Variants in TMEM245 observed in about 807,000 individuals in gnomAD.
TMEM245 encodes protein CG-2.
Under a neutral mutation model 101.2 loss-of-function variants are expected in TMEM245, and 69 were observed. The ratio of observed to expected loss-of-function variants is 0.68; its 90% CI spans 0.56 to 0.83. The LOEUF is 0.83. Among genes scored for constraint, TMEM245 ranks in the 40% least tolerant of loss-of-function variants. The pLI is 0.00. For synonymous variants in TMEM245, 537 were observed against 449.8 expected (o/e 1.19, Z -2.45); for missense variants, 1,075 against 1,092.8 (o/e 0.98, Z 0.23).
At chr9:109,078,344 T>C (rs1829575984) in intron 8 of TMEM245, among the ~76,000 whole-genome samples, 1 of 152,218 alleles carries the variant, frequency 6.6e-6, no homozygotes, top group African/African-American at 2.4e-5. Context: ...ATTTTCCAAG[T>C]GCTTTCATCC....
rs1830063672 is a variant in TMEM245 at position 109,093,559 on chromosome 9, C to T, written c.832G>A (p.Ala278Thr). Residue 278 changes from alanine (A) to threonine (T), a missense_variant, in exon 4 of 18, where the codon GCA becomes ACA. By Grantham distance (58) the Ala-to-Thr change is moderately conservative. This residue lies in a region of TMEM245 where 808 missense variants were observed against 741.5 expected (regional missense o/e 1.09). Coordinates refer to ENST00000374586, the MANE Select transcript of TMEM245 (RefSeq NM_032012.4). ...GCCAAGTTTGCCAGAGTAGAAGCTG[C>T]CATGGAGATAACCTGCCCTGGTAAC... ...AELPGQVISM[A>T]ASTLANLAIS... 8.7e-6 allele frequency: 14 copies of T among 1,614,096 alleles called. No homozygotes were observed. The highest frequency in any genetic ancestry group is 1.2e-5 in the Non-Finnish European group (14 of 1,180,000).
chr9:109,085,060 C>G (rs1422400900), intron 7 of TMEM245, among the ~76,000 whole-genome samples: 3 of 152,148 alleles, frequency 2.0e-5, no homozygotes, highest in African/African-American at 7.2e-5. Flanking sequence ...TTAAACACAA[C>G]ATATATAAAT....
At position 109,119,663 on chromosome 9, in the gene TMEM245, A is replaced by G. The variant is rs1168266612; in HGVS notation, c.251T>C (p.Leu84Pro). 1.3e-6 allele frequency: 2 copies of G among 1,556,446 alleles called. No homozygotes were observed. Among genetic ancestry groups the G allele is most frequent in the Non-Finnish European group, 1.7e-6 (2 of 1,152,836 alleles). Residue 84 changes from leucine to proline, a missense_variant, in exon 1 of 18, where the codon CTG becomes CCG. By Grantham distance (98) the Leu-to-Pro change is moderately conservative (BLOSUM62 -3). Coordinates refer to ENST00000374586, the MANE Select transcript of TMEM245 (RefSeq NM_032012.4). ...YFILEAFLRP[L>P]LWAVLCGTFL... ...AGTGCCGCATAGCACGGCCCAGAGCAGCGGCCGCAGGAAGGCCTCCAGGAT... is the reference window on the plus strand; with the variant it reads ...AGTGCCGCATAGCACGGCCCAGAGCGGCGGCCGCAGGAAGGCCTCCAGGAT...
At chr9:109,058,978 C>T (rs1329051988) in intron 11 of TMEM245, among the ~76,000 whole-genome samples, 1 of 152,096 alleles carries the variant, frequency 6.6e-6, no homozygotes, top group Non-Finnish European at 1.5e-5. Flanking sequence ...GTCTTAGGAC[C>T]GATCACCCAT....
intron 12 of TMEM245, among the ~76,000 whole-genome samples, chr9:109,053,757 T>C (rs1168150862): frequency 6.6e-6 from 1 of 152,184 alleles, no homozygotes; most frequent in Non-Finnish European, 1.5e-5. Flanking sequence ...CCACCTTCTA[T>C]GGAGCCGGTG....
chr9:109,065,000 G>A (rs1829125986), intron 9 of TMEM245, among the ~76,000 whole-genome samples: 1 of 152,120 alleles, frequency 6.6e-6, no homozygotes, highest in Admixed American at 6.6e-5. Flanking sequence ...TAGTCAGACT[G>A]GTCTCAAACT....
In TMEM245 at chr9:109,091,014, T is replaced by A; in HGVS notation, c.1058A>T (p.Asp353Val). ...GTFLRKKKTS[D>V]IYFVSLVWAI... ...CCAAACTAGAGACACAAAGTAGATG[T>A]CACTAGTTTTCTTCTTTCTAAGAAA... is the stretch of plus-strand genomic sequence containing the variant. The change falls in exon 5 of 18, where the codon GAC becomes GTC. Residue 353 changes from aspartate to valine, a missense_variant. By Grantham distance (152) the Asp-to-Val change is radical (BLOSUM62 -3). Coordinates refer to ENST00000374586, the MANE Select transcript of TMEM245 (RefSeq NM_032012.4). 1 of 1,614,156 alleles carries A rather than the reference T, an allele frequency of 6.2e-7. No homozygotes were observed. The highest frequency in any genetic ancestry group is 8.5e-7 in the Non-Finnish European group (1 of 1,180,032).
chr9:109,040,617 A>G (rs1828273440), intron 14 of TMEM245, among the ~76,000 whole-genome samples: 1 of 152,236 alleles, frequency 6.6e-6, no homozygotes, highest in South Asian at 2.1e-4. Context: ...AATTGTGGCA[A>G]AATATCCATG....
chr9:109,053,897 G>C (rs1828758687), intron 12 of TMEM245, among the ~76,000 whole-genome samples: 1 of 152,202 alleles, frequency 6.6e-6, no homozygotes, highest in Non-Finnish European at 1.5e-5. Context: ...TCAGAGACTT[G>C]GGAGGGAGCC....
chr9:109,086,520 T>TCA (rs1389305867), intron 6 of TMEM245, among the ~76,000 whole-genome samples: 1 of 152,196 alleles, frequency 6.6e-6, no homozygotes, highest in Non-Finnish European at 1.5e-5. Flanking sequence ...TACATAGAGC[T>TCA]CACTGTGTAC....
At chr9:109,095,935 T>C (rs1830128232) in intron 3 of TMEM245, among the ~76,000 whole-genome samples, 1 of 152,160 alleles carries the variant, frequency 6.6e-6, no homozygotes, top group Non-Finnish European at 1.5e-5. Context: ...AGAAAAGTTG[T>C]TGCAGTACTA....
At chr9:109,090,802 A>G (rs1025534399) in intron 5 of TMEM245, 120 bp downstream of exon 5, 1 of 840,426 alleles carries the variant, frequency 1.2e-6, no homozygotes, top group East Asian at 2.7e-5. Context: ...AAATGCAAAC[A>G]TAAGATTGTT....
chr9:109,092,622 T>C (rs922131061), intron 4 of TMEM245, among the ~76,000 whole-genome samples: 4 of 152,244 alleles, frequency 2.6e-5, no homozygotes, highest in Admixed American at 2.0e-4. Flanking sequence ...AAATAAGTGT[T>C]CCTACTACAC....
chr9:109,106,624 G>C lies in TMEM245; in HGVS notation c.698-15C>G. 6.4e-7 allele frequency: 1 copy of C among 1,573,508 alleles called. No individual in the cohort carries two copies. Among genetic ancestry groups the C allele is most frequent in the South Asian group, 1.2e-5 (1 of 86,296 alleles). On this transcript the variant is annotated splice_polypyrimidine_tract_variant and intron_variant, in intron 2 of 17. Coordinates refer to ENST00000374586, the MANE Select transcript of TMEM245 (RefSeq NM_032012.4). ...AGCCAGGGATGCTGCAAATTATTAA[G>C]AATTAACATTTTTAGTGAAATAAAA...
chr9:109,075,220 A>G (rs1829461919), intron 8 of TMEM245, among the ~76,000 whole-genome samples: 1 of 152,188 alleles, frequency 6.6e-6, no homozygotes, highest in African/African-American at 2.4e-5. Context: ...TTCCCGAAAT[A>G]AACCTCACAT....
chr9:109,078,807 T>A (rs1390634839), intron 8 of TMEM245, among the ~76,000 whole-genome samples: 1 of 152,224 alleles, frequency 6.6e-6, no homozygotes, highest in African/African-American at 2.4e-5. Context: ...GGGAAAGTTT[T>A]TAGCAGTTAT....
At chr9:109,085,481 T>C (rs1408629207) in intron 7 of TMEM245, among the ~76,000 whole-genome samples, 3 of 152,306 alleles carry the variant, frequency 2.0e-5, no homozygotes, top group Admixed American at 1.3e-4. Context: ...ATGACTACTA[T>C]CTGTTTTAAG....
Position 109,091,134 on chromosome 9 carries a change from G to A in TMEM245, c.938C>T (p.Ser313Phe), listed in dbSNP as rs376580613. Reference protein sequence around the residue: ...QPAEAVDRGESAPTLSTSPSP... With the variant: ...QPAEAVDRGEFAPTLSTSPSP... ...AGGGGAGGTGGACAACGTTGGAGCG[G>A]ATTCTCCCCTGTCCACTGCTTCTGA... is the stretch of plus-strand genomic sequence containing the variant. Residue 313 changes from serine (S) to phenylalanine (F), a missense_variant, in exon 5 of 18, where the codon TCC (serine) becomes TTC (phenylalanine). Ser to Phe is a radical substitution (Grantham distance 155). Coordinates refer to ENST00000374586, the MANE Select transcript of TMEM245 (RefSeq NM_032012.4). 25 of 1,613,976 alleles carry A rather than the reference G, an allele frequency of 1.5e-5. No homozygotes were observed. The South Asian group carries it at 2.7e-4, about 18-fold the overall frequency.
chr9:109,042,706 C>CA (rs1335726134), intron 14 of TMEM245, among the ~76,000 whole-genome samples: 16 of 151,988 alleles, frequency 1.1e-4, no homozygotes, highest in Non-Finnish European at 2.4e-4. Flanking sequence ...TTAATGTATA[C>CA]AATTCAGTGG....
Sources: gnomAD v4.1 joint callset for allele counts (sites outside exome capture counted in the v4.1 genomes callset) on GRCh38, gnomAD v4.1.1 for gene constraint, gnomAD v4.1.1 regional missense constraint, MANE v1.5 for transcripts, NCBI Gene and HGNC (gene_info 2026-07-23, HGNC 2026-07-21) for gene names.